The following TMEM272 variants were observed in gnomAD, a reference collection of about 807,000 sequenced individuals.
TMEM272 encodes the protein transmembrane protein 272, also known as long intergenic non-protein coding RNA 282.
In TMEM272, 8 loss-of-function variants were observed where a neutral mutation model predicts 3.7. That is an observed-to-expected ratio of 2.17 (90% CI 1.27 to 3.91). TMEM272 has a LOEUF of 3.91. TMEM272 is among the 30% of genes most tolerant of loss of function. The pLI is 0.00. For missense variants in TMEM272, 166 were observed against 91.5 expected (o/e 1.81, Z -3.32); for synonymous variants, 63 against 39.8 (o/e 1.58, Z -2.20).
chr13:51,831,172 G>A (rs188429705), intron 2 of TMEM272, among the ~76,000 whole-genome samples: 2 of 152,252 alleles, frequency 1.3e-5, no homozygotes, highest in East Asian at 1.9e-4. Flanking sequence ...CTGTATTTCC[G>A]GCATTTTGGA....
chr13:51,896,769 A>C, the TMEM272 span, among the ~76,000 whole-genome samples: 2 of 152,254 alleles, frequency 1.3e-5, no homozygotes, highest in African/African-American at 4.8e-5. Context: ...TGGGGGTCTG[A>C]CTGTTGTGAG....
chr13:51,826,676 G>T, intron 2 of TMEM272, 51 bp from the exon 3 acceptor site: 1 of 701,820 alleles, frequency 1.4e-6, no homozygotes, highest in South Asian at 1.5e-5. Context: ...ACAGACCCCT[G>T]CATTTCCTCT....
At chr13:51,874,949 C>T in the TMEM272 span, among the ~76,000 whole-genome samples, 1 of 152,224 alleles carries the variant, frequency 6.6e-6, no homozygotes, top group Non-Finnish European at 1.5e-5. Flanking sequence ...GGTCACTGCA[C>T]ACTGAGCTGC....
rs201543066 is a variant in TMEM272, at chr13:51,815,521, C to A, written c.*1230G>T. On this transcript the variant is annotated 3_prime_UTR_variant, in exon 5 of 5. Coordinates refer to ENST00000629372, the MANE Select transcript of TMEM272 (RefSeq NM_001351003.2). ...CAGGGATTGGTTTGATGAGAAAGCA[C>A]GAAAACATAACAAAGTTAAAAAATA... 6.6e-6 allele frequency: 1 copy of A among 152,286 alleles called. No homozygotes were observed. Among genetic ancestry groups the A allele is most frequent in the African/African-American group, 2.4e-5 (1 of 41,380 alleles). The allele number at this position is 152,286 out of a possible 1,614,324, so 9.4% of individuals were successfully genotyped here.
intron 3 of TMEM272, among the ~76,000 whole-genome samples, chr13:51,825,731 G>A (rs1956119153): frequency 6.6e-6 from 1 of 151,556 alleles, no homozygotes; most frequent in South Asian, 2.1e-4. Context: ...GAGTAGCTGG[G>A]ACTACAGGCA....
At chr13:51,865,577 G>T in the TMEM272 span, 8 of 1,614,224 alleles carry the variant, frequency 5.0e-6, no homozygotes, top group Non-Finnish European at 6.8e-6. Context: ...GGACTTCAGG[G>T]AAGAGATGTG....
chr13:51,829,937 T>C (rs928000164), intron 2 of TMEM272, among the ~76,000 whole-genome samples: 1 of 152,208 alleles, frequency 6.6e-6, no homozygotes, highest in African/African-American at 2.4e-5. Context: ...ACATAGAGGA[T>C]GTCCTCCCTA....
At chr13:51,902,531 T>C in the TMEM272 span, among the ~76,000 whole-genome samples, 3 of 152,238 alleles carry the variant, frequency 2.0e-5, no homozygotes, top group South Asian at 4.1e-4. Flanking sequence ...AAGTATGTTA[T>C]CATAGCTACT....
At chr13:51,907,404 C>A in the TMEM272 span, among the ~76,000 whole-genome samples, 19 of 152,188 alleles carry the variant, frequency 1.2e-4, no homozygotes, top group Non-Finnish European at 4.4e-5. Flanking sequence ...CACAAACTAA[C>A]CAGTCGAGAG....
the TMEM272 span, chr13:51,908,118 A>G: frequency 2.0e-6 from 1 of 487,812 alleles, no homozygotes; most frequent in South Asian, 2.4e-5. Context: ...TATTGTTTCA[A>G]TTTGAGCAAA....
At chr13:51,818,183 G>A (rs1956050481) in intron 4 of TMEM272, among the ~76,000 whole-genome samples, 1 of 152,168 alleles carries the variant, frequency 6.6e-6, no homozygotes, top group African/African-American at 2.4e-5. Context: ...GGAGGATGTG[G>A]CCGACTGGCA....
At chr13:51,861,061 T>C in the TMEM272 span, among the ~76,000 whole-genome samples, 1 of 151,962 alleles carries the variant, frequency 6.6e-6, no homozygotes, top group Non-Finnish European at 1.5e-5. Context: ...CTGGAGAATA[T>C]TATGCTAAGT....
the TMEM272 span, among the ~76,000 whole-genome samples, chr13:51,858,076 A>G: frequency 6.6e-6 from 1 of 152,354 alleles, no homozygotes; most frequent in Admixed American, 6.5e-5. Flanking sequence ...TAAAATATGC[A>G]TGTATCTAAT....
chr13:51,915,630 C>A, the TMEM272 span, among the ~76,000 whole-genome samples: 1 of 152,152 alleles, frequency 6.6e-6, no homozygotes, highest in South Asian at 2.1e-4. Flanking sequence ...GGGTGAGTCA[C>A]GAAGTGGACA....
At chr13:51,901,259 C>T in the TMEM272 span, among the ~76,000 whole-genome samples, 74 of 152,232 alleles carry the variant, frequency 4.9e-4, no homozygotes, top group South Asian at 2.9e-3. Flanking sequence ...TAATGAAGCA[C>T]GGTTCCTGAG....
At chr13:51,871,987 T>G in the TMEM272 span, among the ~76,000 whole-genome samples, 1 of 152,106 alleles carries the variant, frequency 6.6e-6, no homozygotes, top group Non-Finnish European at 1.5e-5. Flanking sequence ...GGCCTAGAAG[T>G]GCTAATTCTG....
chr13:51,908,591 G>T, the TMEM272 span: 12 of 1,511,430 alleles, frequency 7.9e-6, no homozygotes, highest in Non-Finnish European at 1.1e-5. Flanking sequence ...TTCCAGCAGG[G>T]AGAGATGAAT....
chr13:51,866,156 T>C, the TMEM272 span: 30 of 1,228,748 alleles, frequency 2.4e-5, no homozygotes, highest in South Asian at 5.0e-4. Context: ...GCCCATGTGC[T>C]GGAGAAAATA....
the TMEM272 span, among the ~76,000 whole-genome samples, chr13:51,878,274 C>CA: frequency 6.6e-6 from 1 of 152,022 alleles, no homozygotes; most frequent in Non-Finnish European, 1.5e-5. Context: ...ACTAAAAATA[C>CA]AAAAAATTAG....
Sources: allele counts gnomAD v4.1 joint callset (sites outside exome capture counted in the v4.1 genomes callset), GRCh38; gene constraint gnomAD v4.1.1; transcripts MANE v1.5; gene names NCBI Gene and HGNC (gene_info 2026-07-23, HGNC 2026-07-21).